Variants in TTN observed in about 807,000 individuals in gnomAD.
The protein encoded by TTN is titin.
A neutral mutation model predicts 3,223.0 loss-of-function variants in TTN; 1,525 were observed. The observed-to-expected ratio is 0.47, with a 90% confidence interval of 0.45 to 0.49. The LOEUF is 0.49. Ranked by LOEUF, TTN falls within the 20% of genes least tolerant of loss-of-function variation. TTN has a pLI of 0.00. For missense variants in TTN, 40,786 were observed against 43,424.0 expected (o/e 0.94, Z 5.40); for synonymous variants, 14,094 against 15,161.0 (o/e 0.93, Z 5.17).
Position 178,748,219 on chromosome 2 carries a change from T to A in TTN, c.11311+4905A>T, listed in dbSNP as rs1348650545. The A allele has an allele frequency of 1.9e-6, 3 of 1,613,090 alleles. No homozygotes were observed. The Admixed American group carries it at 5.0e-5, about 27-fold the overall frequency. The stretch of plus-strand genomic sequence containing the variant: ...GTAGGGCACATGATTCACTATAGAT[T>A]TCTTCAGAAAAGGATTTAAGAGAAA... On this transcript the variant is annotated intron_variant, in intron 47 of 362. Transcript: ENST00000589042.
Position 178,598,532 on chromosome 2 carries a change from C to G in TTN, c.57085G>C (p.Glu19029Gln), listed in dbSNP as rs761979702. The G allele has an allele frequency of 1.4e-5, 22 of 1,608,638 alleles. No homozygotes were observed. In the East Asian group the frequency reaches 4.9e-4, roughly 36 times the overall value. Residue 19029 changes from glutamate (E) to glutamine (Q), a missense_variant, in exon 292 of 363, where the codon GAA becomes CAA. Glu to Gln is a conservative substitution (Grantham distance 29). Coordinates refer to ENST00000589042, the MANE Select transcript of TTN (RefSeq NM_001267550.2). ...KVTGYIVEYK[E>Q]EGKEEWEKGK... ...TTTTCCCATTCTTCTTTTCCTTCTT[C>G]TTTATATTCAACGATGTATCCAGTT...
At position 178,732,347 on chromosome 2, in the gene TTN, T is replaced by C; in HGVS notation, c.16622A>G (p.Glu5541Gly). 6.3e-7 allele frequency: 1 copy of C among 1,593,874 alleles called. No homozygotes were observed. Among genetic ancestry groups the C allele is most frequent in the South Asian group, 1.1e-5 (1 of 87,648 alleles). The change falls in exon 57 of 363, where the codon GAA becomes GGA. Residue 5541 changes from glutamate to glycine, a missense_variant and splice_region_variant. Transcript: ENST00000589042. ...TAACTTTTCAACAAATGTGGCAGGT[T>C]CTGTGGAAGGAAGGAAGTTATTAAG... is the stretch of plus-strand genomic sequence containing the variant. Reference protein sequence around the residue: ...VECSANLFVKEPATFVEKLEP... With the variant: ...VECSANLFVKGPATFVEKLEP...
chr2:178,739,873 C>T lies in TTN; in HGVS notation c.13360G>A (p.Glu4454Lys). The T allele has an allele frequency of 6.2e-7, 1 of 1,613,858 alleles. No individual in the cohort carries two copies. Among genetic ancestry groups the T allele is most frequent in the South Asian group, 1.1e-5 (1 of 91,072 alleles). Residue 4454 changes from glutamate to lysine, a missense_variant, in exon 48 of 363, where the codon GAA (glutamate) becomes AAA (lysine). Coordinates refer to ENST00000589042, the MANE Select transcript of TTN (RefSeq NM_001267550.2). ...LVTSAKSVTE[E>K]VTIIIEDVDP... ...ACATCTTCAATAATGATGGTTACTT[C>T]TTCTGTTACAGACTTTGCCGAAGTA...
rs746133862 is a variant in TTN, at chr2:178,794,998, C to T, written c.1169G>A (p.Gly390Asp). Residue 390 changes from glycine to aspartate, a missense_variant, in exon 7 of 363, where the codon GGT becomes GAT. By Grantham distance (94) the Gly-to-Asp change is moderately conservative. Coordinates refer to ENST00000589042, the MANE Select transcript of TTN (RefSeq NM_001267550.2). Reference protein sequence around the residue: ...YGVQEQVTISGAAGAAASVSA... With the variant: ...YGVQEQVTISDAAGAAASVSA... ...CACACTGGCGGCAGCACCCGCAGCACCACTGATGGTCACTTGCTCCTGGAC... is the reference window on the plus strand; with the variant it reads ...CACACTGGCGGCAGCACCCGCAGCATCACTGATGGTCACTTGCTCCTGGAC... 1.2e-6 allele frequency: 2 copies of T among 1,609,904 alleles called. No individual in the cohort carries two copies. The highest frequency in any genetic ancestry group is 1.3e-5 in the African/African-American group (1 of 74,942).
chr2:178,564,214 A>G lies in TTN; in HGVS notation c.81918T>C (p.Asp27306=), dbSNP rs764340182. Residue 27306 remains aspartate, a synonymous_variant, in exon 326 of 363, where the codon GAT becomes GAC. Transcript: ENST00000589042. ...EADIRGKPIP[D]VVWSKDGKEL... Reference sequence around the variant, plus strand: ...CTTTTCCATCTTTTGACCAAACAACATCAGGTATAGGTTTGCCACGGATGT... The same window carrying G: ...CTTTTCCATCTTTTGACCAAACAACGTCAGGTATAGGTTTGCCACGGATGT... 1 of 1,613,600 alleles carries G rather than the reference A, an allele frequency of 6.2e-7. No homozygotes were observed. The highest frequency in any genetic ancestry group is 1.7e-5 in the Admixed American group (1 of 60,008).
rs2076606691 is a variant in TTN at position 178,711,215 on chromosome 2, A to G, written c.28021T>C (p.Leu9341=). Residue 9341 remains leucine (L), a synonymous_variant, in exon 97 of 363, where the codon TTG becomes CTG. Coordinates refer to ENST00000589042, the MANE Select transcript of TTN (RefSeq NM_001267550.2). ...SVSWYKDGKP[L]KDSPNVQTSF... ...GTTTGTACATTTGGGCTGTCTTTCAATGGCTTGCCGTCTTTATACCAAGAC... is the reference window on the plus strand; with the variant it reads ...GTTTGTACATTTGGGCTGTCTTTCAGTGGCTTGCCGTCTTTATACCAAGAC... The G allele has an allele frequency of 1.2e-6, 2 of 1,613,862 alleles. No individual in the cohort carries two copies. The highest frequency in any genetic ancestry group is 1.7e-5 in the Admixed American group (1 of 60,000).
In TTN at chr2:178,601,265, A is replaced by G. The variant is rs2053374302; in HGVS notation, c.55732T>C (p.Tyr18578His). 6.5e-7 allele frequency: 1 copy of G among 1,538,218 alleles called. No homozygotes were observed. The highest frequency in any genetic ancestry group is 8.7e-7 in the Non-Finnish European group (1 of 1,147,048). The change falls in exon 287 of 363, where the codon TAT becomes CAT. Residue 18578 changes from tyrosine to histidine, a missense_variant and splice_region_variant. By Grantham distance (83) the Tyr-to-His change is moderately conservative (BLOSUM62 2). Coordinates refer to ENST00000589042, the MANE Select transcript of TTN (RefSeq NM_001267550.2). ...TTTAAATTTAGATTTTAAAGCTTAC[A>G]TATCGGATCTCTGGCAGTGGTCCTC... ...IQRTTARDPI[Y>H]PPDPPIKLKI...
intron 155 of TTN, 24 bp from the exon 156 acceptor site, chr2:178,671,194 T>C: frequency 6.4e-7 from 1 of 1,558,486 alleles, no homozygotes; most frequent in Admixed American, 1.9e-5. Flanking sequence ...AGTATTTTGG[T>C]TTAGAATGAA....
At position 178,566,669 on chromosome 2, in the gene TTN, G is replaced by A; in HGVS notation, c.79463C>T (p.Pro26488Leu). 2 of 1,613,158 alleles carry A rather than the reference G, an allele frequency of 1.2e-6. No individual in the cohort carries two copies. The highest frequency in any genetic ancestry group is 1.7e-6 in the Non-Finnish European group (2 of 1,179,674). ...AATGTGTGCATTGGTAGGTGGGCCA[G>A]GTTTGAACACAGGATCACAGGCTTT... Reference protein sequence around the residue: ...YYKACDPVFKPGPPTNAHIVD... With the variant: ...YYKACDPVFKLGPPTNAHIVD... Residue 26488 changes from proline to leucine, a missense_variant, in exon 326 of 363, where the codon CCT becomes CTT. Transcript: ENST00000589042.
chr2:178,575,795 T>G lies in TTN; in HGVS notation c.70337A>C (p.Asp23446Ala). Residue 23446 changes from aspartate to alanine, a missense_variant, in exon 326 of 363, where the codon GAC becomes GCC. Transcript: ENST00000589042. The surrounding 1 kb of genome is among the most constrained non-coding windows in gnomAD (Gnocchi z 4.0). ...CAGGGTGACACTGTCCTTTGTGATG[T>G]CTGTAGGCCGCAGGTTGAGGACTGG... ...PGPVLNLRPTDITKDSVTLHW... is the reference protein window; with the variant it reads ...PGPVLNLRPTAITKDSVTLHW... 6.2e-7 allele frequency: 1 copy of G among 1,613,026 alleles called. No homozygotes were observed. Among genetic ancestry groups the G allele is most frequent in the Non-Finnish European group, 8.5e-7 (1 of 1,179,178 alleles).
In TTN at chr2:178,778,852, C is replaced by A; in HGVS notation, c.4208+22G>T. On this transcript the variant is annotated intron_variant, in intron 24 of 362. Coordinates refer to ENST00000589042, the MANE Select transcript of TTN (RefSeq NM_001267550.2). The stretch of plus-strand genomic sequence containing the variant: ...TGAAAACAATTTACATACTAAATAA[C>A]CCAAATTATTACAAGTCTTACCTGA... The A allele has an allele frequency of 4.3e-6, 7 of 1,613,582 alleles. No homozygotes were observed. The South Asian group carries it at 6.6e-5, about 15-fold the overall frequency.
At position 178,536,465 on chromosome 2, in the gene TTN, A is replaced by T. The variant is rs766455406; in HGVS notation, c.100282T>A (p.Tyr33428Asn). The change falls in exon 357 of 363, where the codon TAC becomes AAC. Residue 33428 changes from tyrosine to asparagine, a missense_variant. Coordinates refer to ENST00000589042, the MANE Select transcript of TTN (RefSeq NM_001267550.2). ...SDGGAKIRNY[Y>N]LEKREKKQNK... ...TGCTTCTTCTCACGCTTCTCAAGGT[A>T]GTAATTTCTAATCTTTGCACCTCCA... 21 of 1,601,760 alleles carry T rather than the reference A, an allele frequency of 1.3e-5. No individual in the cohort carries two copies. The highest frequency in any genetic ancestry group is 1.8e-5 in the Non-Finnish European group (21 of 1,173,460).
chr2:178,684,492 T>G, intron 131 of TTN, 79 bp from the exon 132 acceptor site: 1 of 1,482,680 alleles, frequency 6.7e-7, no homozygotes, highest in Non-Finnish European at 9.3e-7. Flanking sequence ...TACTGTGATT[T>G]TAGAATAGAA....
In TTN at chr2:178,728,677, T is replaced by C. The variant is rs771838033; in HGVS notation, c.19249A>G (p.Lys6417Glu). Residue 6417 changes from lysine (K) to glutamate (E), a missense_variant, in exon 66 of 363, where the codon AAA (lysine) becomes GAA (glutamate). Coordinates refer to ENST00000589042, the MANE Select transcript of TTN (RefSeq NM_001267550.2). ...ATTTGTTTCCCGTCTTTAAGCCATT[T>C]CACTTTGAGTTCTGGTGTTCCAGCC... ...VVAGTPELKV[K>E]WLKDGKQIVP... 6 of 1,613,318 alleles carry C rather than the reference T, an allele frequency of 3.7e-6. No individual in the cohort carries two copies. Among genetic ancestry groups the C allele is most frequent in the Non-Finnish European group, 5.1e-6 (6 of 1,179,608 alleles).
Position 178,571,616 on chromosome 2 carries a change from C to T in TTN, c.74516G>A (p.Ser24839Asn), listed in dbSNP as rs763157776. ...SWGPPKYDGG[S>N]SINNYIVEKR... is the part of the protein sequence containing the mutation. ...CTCAACAATGTAATTATTGATAGAA[C>T]TTCCACCATCATACTTGGGTGGGCC... Residue 24839 changes from serine to asparagine, a missense_variant, in exon 326 of 363, where the codon AGT becomes AAT. Transcript: ENST00000589042. The T allele has an allele frequency of 3.1e-6, 5 of 1,613,276 alleles. No individual in the cohort carries two copies. The Admixed American group carries it at 5.0e-5, about 16-fold the overall frequency.
At position 178,634,369 on chromosome 2, in the gene TTN, T is replaced by C; in HGVS notation, c.42412A>G (p.Thr14138Ala). 1 of 1,603,382 alleles carries C rather than the reference T, an allele frequency of 6.2e-7. No homozygotes were observed. Among genetic ancestry groups the C allele is most frequent in the Non-Finnish European group, 8.5e-7 (1 of 1,177,418 alleles). The change falls in exon 230 of 363, where the codon ACA becomes GCA. Residue 14138 changes from threonine to alanine, a missense_variant. Thr to Ala is a moderately conservative substitution (Grantham distance 58). Transcript: ENST00000589042. The surrounding 1 kb of genome is among the most constrained non-coding windows in gnomAD (Gnocchi z 4.6). ...GKKTSARLFV[T>A]GIRLKFMSPL... ...CAGATCTCATTAGCTCGCTTACCTG[T>C]GACAAACAACCGAGCTGAGGTCTTC...
Position 178,618,390 on chromosome 2 carries a change from T to A in TTN, c.47068A>T (p.Ile15690Leu). The A allele has an allele frequency of 6.2e-7, 1 of 1,612,474 alleles. No individual in the cohort carries two copies. The highest frequency in any genetic ancestry group is 8.5e-7 in the Non-Finnish European group (1 of 1,179,094). The change falls in exon 252 of 363, where the codon ATA becomes TTA. Residue 15690 changes from isoleucine (I) to leucine (L), a missense_variant. Transcript: ENST00000589042. ...EPLTDGGSKIIGYVVERRDIK... is the reference protein window; with the variant it reads ...EPLTDGGSKILGYVVERRDIK... ...TCACGTCTTTCAACAACGTAACCTA[T>A]GATTTTGCTTCCACCATCAGTTAAA...
In TTN at chr2:178,611,750, C is replaced by T. The variant is rs201481670; in HGVS notation, c.50551+8G>A. The stretch of plus-strand genomic sequence containing the variant: ...GACAATATCTTGTGTATAATCAGCA[C>T]TACTTACTTGTTGGATCTTCAATGG... On this transcript the variant is annotated splice_region_variant and intron_variant, in intron 268 of 362. Transcript: ENST00000589042. The T allele has an allele frequency of 2.3e-5, 37 of 1,611,624 alleles. No homozygotes were observed. Among genetic ancestry groups the T allele is most frequent in the Non-Finnish European group, 3.1e-5 (37 of 1,178,776 alleles).
At position 178,720,174 on chromosome 2, in the gene TTN, G is replaced by A. The variant is rs2154300491; in HGVS notation, c.23468C>T (p.Pro7823Leu). The A allele has an allele frequency of 6.2e-7, 1 of 1,613,738 alleles. No individual in the cohort carries two copies. The highest frequency in any genetic ancestry group is 8.5e-7 in the Non-Finnish European group (1 of 1,179,728). The change falls in exon 81 of 363, where the codon CCA (proline) becomes CTA (leucine). Residue 7823 changes from proline to leucine, a missense_variant. Pro to Leu is a moderately conservative substitution (Grantham distance 98). Coordinates refer to ENST00000589042, the MANE Select transcript of TTN (RefSeq NM_001267550.2). ...ELRAIVEGFQ[P>L]ISVVWLKDRG... Reference sequence around the variant, plus strand: ...ATCTTTCAGCCAGACAACAGAAATTGGCTGGAAGCCCTCCACTATGGCCCG... The same window carrying A: ...ATCTTTCAGCCAGACAACAGAAATTAGCTGGAAGCCCTCCACTATGGCCCG...
Sources: gnomAD v4.1 joint callset for allele counts on GRCh38, gnomAD v4.1.1 for gene constraint, Gnocchi (gnomAD v3.1) non-coding constraint, MANE v1.5 for transcripts, NCBI Gene and HGNC (gene_info 2026-07-23, HGNC 2026-07-21) for gene names.